Variants in ZBTB7C observed in about 807,000 individuals in gnomAD.
ZBTB7C encodes zinc finger and BTB domain-containing protein 7C.
In ZBTB7C, 8 loss-of-function variants were observed where a neutral mutation model predicts 25.7. The ratio of observed to expected loss-of-function variants is 0.31; its 90% CI spans 0.18 to 0.56. ZBTB7C has a LOEUF of 0.56. Ranked by LOEUF, ZBTB7C falls within the 20% of genes least tolerant of loss-of-function variation. The pLI is 0.91. For synonymous variants in ZBTB7C, 394 were observed against 369.0 expected, an observed-to-expected ratio of 1.07 and a Z score of -0.78; for missense variants, 824 against 855.2, an observed-to-expected ratio of 0.96 and a Z score of 0.46.
At chr18:48,251,166 T>C (rs1028447076) in intron 2 of ZBTB7C, among the ~76,000 whole-genome samples, 8 of 152,054 alleles carry the variant, frequency 5.3e-5, no homozygotes, top group Non-Finnish European at 8.8e-5. Flanking sequence ...TGTGGCTGCA[T>C]TGAGCCATGA....
intron 1 of ZBTB7C, among the ~76,000 whole-genome samples, chr18:48,349,664 C>T (rs2046819901): frequency 6.6e-6 from 1 of 152,162 alleles, no homozygotes; most frequent in South Asian, 2.1e-4. Flanking sequence ...GGTAGATCCT[C>T]CAGCCCTACC....
At position 48,027,328 on chromosome 18, in the gene ZBTB7C, C is replaced by T. The variant is rs1002262566; in HGVS notation, c.*1932G>A. ...CTTTACAAAATAAAAACAAAAGCCC[C>T]AACACCACTGGATTCCAATTTATTC... On this transcript the variant is annotated 3_prime_UTR_variant, in exon 5 of 5. Transcript: ENST00000590800. 6.6e-6 allele frequency: 1 copy of T among 151,140 alleles called. No homozygotes were observed. 9.4% of individuals were successfully genotyped at this position (151,140 alleles called of 1,614,324 possible). A position where few individuals can be genotyped will look rare whatever the true frequency, so the allele number is the denominator to read the frequency against.
chr18:48,212,948 T>C lies in ZBTB7C; in HGVS notation c.-78-26953A>G, dbSNP rs1023977165. Among the ~76,000 whole-genome samples the C allele has an allele frequency of 3.3e-5, 5 of 152,238 alleles. No homozygotes were observed. In the South Asian group the frequency reaches 1.0e-3, roughly 32 times the overall value. ...CTACTATGTGTGGGGGCTACAAAACTCCTCAAACCCAAGTGCAGCCACGTA... is the reference window on the plus strand; with the variant it reads ...CTACTATGTGTGGGGGCTACAAAACCCCTCAAACCCAAGTGCAGCCACGTA... On this transcript the variant is annotated intron_variant, in intron 2 of 4. Coordinates refer to ENST00000590800, the MANE Select transcript of ZBTB7C (RefSeq NM_001318841.2).
intron 1 of ZBTB7C, among the ~76,000 whole-genome samples, chr18:48,360,651 C>T (rs975457186): frequency 2.0e-5 from 3 of 152,002 alleles, no homozygotes; most frequent in Non-Finnish European, 2.9e-5. Flanking sequence ...AAAATAGTGA[C>T]GGGCACTGAG....
At chr18:48,262,406 G>C (rs1215118545) in intron 2 of ZBTB7C, among the ~76,000 whole-genome samples, 1 of 152,134 alleles carries the variant, frequency 6.6e-6, no homozygotes, top group Non-Finnish European at 1.5e-5. Flanking sequence ...TGGGATTCTG[G>C]GAAGAAGTCT....
chr18:48,363,350 A>G (rs936246923), intron 1 of ZBTB7C, among the ~76,000 whole-genome samples: 1 of 152,176 alleles, frequency 6.6e-6, no homozygotes, highest in African/African-American at 2.4e-5. Context: ...GAATGTGGAC[A>G]TTAATTTACT....
intron 2 of ZBTB7C, among the ~76,000 whole-genome samples, chr18:48,230,956 A>G (rs1205780421): frequency 6.6e-6 from 1 of 152,170 alleles, no homozygotes; most frequent in Non-Finnish European, 1.5e-5. Flanking sequence ...GGGTATGTGC[A>G]TGCTCAGGCC....
chr18:48,200,717 G>A (rs569997134), intron 2 of ZBTB7C, among the ~76,000 whole-genome samples: 116 of 152,326 alleles, frequency 7.6e-4, no homozygotes, highest in African/African-American at 2.6e-3. Flanking sequence ...TGCAGGGCAG[G>A]CTGGCCATCA....
At chr18:48,364,151 CACTT>C (rs1274577198) in intron 1 of ZBTB7C, 1 of 152,228 alleles carries the variant, frequency 6.6e-6, no homozygotes, top group Non-Finnish European at 1.5e-5. Flanking sequence ...GCCCAATACT[CACTT>C]GTCTCCTTGG....
At chr18:48,119,627 G>T (rs767124883) in intron 3 of ZBTB7C, among the ~76,000 whole-genome samples, 4 of 152,190 alleles carry the variant, frequency 2.6e-5, no homozygotes, top group Admixed American at 2.0e-4. Context: ...CATAGTTCAT[G>T]TGTAACAGGC....
chr18:48,030,823 C>T (rs540836030), intron 4 of ZBTB7C, among the ~76,000 whole-genome samples: 7 of 152,184 alleles, frequency 4.6e-5, no homozygotes, highest in Non-Finnish European at 7.3e-5. Flanking sequence ...ATTCCACACA[C>T]CTCCTGGTGG....
chr18:48,096,095 C>A (rs538079469), intron 3 of ZBTB7C, among the ~76,000 whole-genome samples: 45 of 152,304 alleles, frequency 3.0e-4, no homozygotes, highest in African/African-American at 1.1e-3. Context: ...CCTCTGAATA[C>A]CCGCCCAGCT....
chr18:48,051,307 T>C (rs555368157), intron 3 of ZBTB7C, among the ~76,000 whole-genome samples: 55 of 152,230 alleles, frequency 3.6e-4, no homozygotes, highest in African/African-American at 7.5e-4. Flanking sequence ...GCCTCACACC[T>C]GGGCTTTGGG....
chr18:48,087,766 G>A (rs1233192184), intron 3 of ZBTB7C: 1 of 139,668 alleles, frequency 7.2e-6, no homozygotes, highest in Non-Finnish European at 1.5e-5. Context: ...CTGCACTCCA[G>A]GCTCACCTGG....
At chr18:48,232,535 T>C (rs972627824) in intron 2 of ZBTB7C, among the ~76,000 whole-genome samples, 1 of 152,038 alleles carries the variant, frequency 6.6e-6, no homozygotes. Flanking sequence ...TCAGTTAAGG[T>C]CACCTGGAAC....
intron 2 of ZBTB7C, among the ~76,000 whole-genome samples, chr18:48,330,806 G>A (rs947773763): frequency 1.3e-5 from 2 of 152,034 alleles, no homozygotes; most frequent in South Asian, 4.2e-4. Context: ...CTGGGCAGGG[G>A]GAGCATCTAC....
chr18:48,136,953 T>C (rs2144807461), intron 3 of ZBTB7C: 25 of 798,128 alleles, frequency 3.1e-5, no homozygotes, highest in East Asian at 2.7e-4. Context: ...GCCGCTGGGC[T>C]CCCCAGAGCC....
At chr18:48,404,991 C>G (rs1000663524) in intron 1 of ZBTB7C, among the ~76,000 whole-genome samples, 3 of 152,192 alleles carry the variant, frequency 2.0e-5, no homozygotes, top group Admixed American at 2.0e-4. Flanking sequence ...ACTGAAGTCT[C>G]CCCCTGGTAA....
At chr18:48,309,412 TCTC>T (rs1205137465) in intron 2 of ZBTB7C, among the ~76,000 whole-genome samples, 11 of 152,216 alleles carry the variant, frequency 7.2e-5, no homozygotes, top group Non-Finnish European at 1.0e-4. Context: ...TTTCCTGCTC[TCTC>T]CTCCTCCTCA....
Sources: allele counts gnomAD v4.1 joint callset (sites outside exome capture counted in the v4.1 genomes callset), GRCh38; gene constraint gnomAD v4.1.1; transcripts MANE v1.5; gene names NCBI Gene and HGNC (gene_info 2026-07-23, HGNC 2026-07-21).